The following UNC13C variants were observed in gnomAD, a reference collection of about 807,000 sequenced individuals.
UNC13C encodes the protein unc-13 homolog C.
In UNC13C, 174 loss-of-function variants were observed where a neutral mutation model predicts 245.4. The ratio of observed to expected loss-of-function variants is 0.71; its 90% CI spans 0.63 to 0.80. The LOEUF is 0.80. Among genes scored for constraint, UNC13C ranks in the 30% least tolerant of loss-of-function variants. The pLI is 0.00. For missense variants in UNC13C, 2,829 were observed against 2,602.9 expected, an observed-to-expected ratio of 1.09 and a Z score of -1.89; for synonymous variants, 992 against 895.1, an observed-to-expected ratio of 1.11 and a Z score of -1.93.
At chr15:54,162,381 C>G (rs1421427360) in intron 4 of UNC13C, among the ~76,000 whole-genome samples, 1 of 152,074 alleles carries the variant, frequency 6.6e-6, no homozygotes, top group Non-Finnish European at 1.5e-5. Flanking sequence ...GATAGACAGA[C>G]CAGAAGGCAT....
In UNC13C at chr15:54,365,283, T is replaced by C. The variant is rs147893569; in HGVS notation, c.4713+26794T>C. Among the ~76,000 whole-genome samples, 554 of 152,216 alleles carry C rather than the reference T, an allele frequency of 3.6e-3. 4 individuals are homozygous for C. Among genetic ancestry groups the C allele is most frequent in the African/African-American group, 0.013 (521 of 41,548 alleles). ...TTGGAGGCTAAGTATTTTGTATCCA[T>C]TGGAAGTCTCCCTCTCATTTTCATA... On this transcript the variant is annotated intron_variant, in intron 17 of 32. Coordinates refer to ENST00000260323, the MANE Select transcript of UNC13C (RefSeq NM_001080534.3).
rs1231669889 is a variant in UNC13C at position 54,050,680 on chromosome 15, T to C, written c.2983+34794T>C. The C allele has an allele frequency of 1.1e-5, 6 of 523,792 alleles. No individual in the cohort carries two copies. In the East Asian group the frequency reaches 2.9e-4, roughly 25 times the overall value. The allele number at this position is 523,792 out of a possible 1,614,324, so 32.4% of individuals were successfully genotyped here. The stretch of plus-strand genomic sequence containing the variant: ...ATTTGTCTCTTATACTCAAACTCTT[T>C]GGAAACCGGTGAAGATCTATAGGGT... On this transcript the variant is annotated intron_variant, in intron 2 of 32. Transcript: ENST00000260323.
At chr15:53,840,480 T>TA in the UNC13C span, among the ~76,000 whole-genome samples, 5 of 151,892 alleles carry the variant, frequency 3.3e-5, no homozygotes, top group South Asian at 2.1e-4. Context: ...GGGCATGAAA[T>TA]AAAAAAACAA....
intron 19 of UNC13C, among the ~76,000 whole-genome samples, chr15:54,491,574 G>C (rs753184716): frequency 6.6e-6 from 1 of 151,750 alleles, no homozygotes; most frequent in Non-Finnish European, 1.5e-5. Context: ...CTTTATTTTA[G>C]CAAAATCACT....
intron 1 of UNC13C, among the ~76,000 whole-genome samples, chr15:53,990,259 T>C (rs1237044554): frequency 1.3e-5 from 2 of 152,060 alleles, no homozygotes; most frequent in East Asian, 3.9e-4. Context: ...ATCCCAAACA[T>C]GCAGATAATT....
intron 29 of UNC13C, among the ~76,000 whole-genome samples, chr15:54,564,426 G>C (rs143064966): frequency 5.9e-5 from 9 of 151,980 alleles, no homozygotes; most frequent in Middle Eastern, 3.4e-3. Flanking sequence ...TTCCTGATTA[G>C]TCCCCAAAGT....
chr15:53,922,670 G>A, the UNC13C span, among the ~76,000 whole-genome samples: 26 of 152,258 alleles, frequency 1.7e-4, no homozygotes, highest in Non-Finnish European at 2.2e-4. Flanking sequence ...CCATGCTTAC[G>A]TATTACAGAG....
intron 29 of UNC13C, among the ~76,000 whole-genome samples, chr15:54,564,730 T>C (rs1306248822): frequency 6.6e-6 from 1 of 151,962 alleles, no homozygotes; most frequent in Non-Finnish European, 1.5e-5. Context: ...GGTATATTAA[T>C]AAACGATCAC....
At chr15:53,901,778 G>A in the UNC13C span, among the ~76,000 whole-genome samples, 2 of 152,162 alleles carry the variant, frequency 1.3e-5, no homozygotes, top group African/African-American at 4.8e-5. Context: ...AAATTTGAGA[G>A]TGTATGTTTA....
chr15:54,540,395 T>A (rs1219031986), intron 26 of UNC13C, among the ~76,000 whole-genome samples: 1 of 152,058 alleles, frequency 6.6e-6, no homozygotes, highest in African/African-American at 2.4e-5. Context: ...CACATGGCAT[T>A]TGAAAATTGT....
chr15:53,848,874 C>T, the UNC13C span, among the ~76,000 whole-genome samples: 2 of 151,940 alleles, frequency 1.3e-5, no homozygotes, highest in Non-Finnish European at 2.9e-5. Context: ...ATTGACCTCA[C>T]TAACATTACC....
At chr15:53,991,403 C>A (rs979798492) in intron 1 of UNC13C, among the ~76,000 whole-genome samples, 7 of 151,932 alleles carry the variant, frequency 4.6e-5, no homozygotes, top group Non-Finnish European at 7.4e-5. Flanking sequence ...AAACATTGTT[C>A]TTTCTAGAGC....
Position 54,623,907 on chromosome 15 carries a change from A to G in UNC13C, c.6312A>G (p.Lys2104=), listed in dbSNP as rs1314133686. The G allele has an allele frequency of 6.2e-7, 1 of 1,613,376 alleles. No individual in the cohort carries two copies. Among genetic ancestry groups the G allele is most frequent in the Non-Finnish European group, 8.5e-7 (1 of 1,179,488 alleles). The change falls in exon 32 of 33, where the codon AAA becomes AAG. Residue 2104 remains lysine (K), a synonymous_variant. Coordinates refer to ENST00000260323, the MANE Select transcript of UNC13C (RefSeq NM_001080534.3). Reference sequence around the variant, plus strand: ...ACAAGAAGAGAAAACAAGGCACAAAAACAAAAAGCAACACATGGTCACCAA... The same window carrying G: ...ACAAGAAGAGAAAACAAGGCACAAAGACAAAAAGCAACACATGGTCACCAA... ...LGDKKRKQGT[K]TKSNTWSPKY... is the part of the protein sequence containing the mutation.
chr15:54,395,293 AC>A (rs748736154), intron 18 of UNC13C, among the ~76,000 whole-genome samples: 3 of 151,922 alleles, frequency 2.0e-5, no homozygotes, highest in Admixed American at 2.0e-4. Flanking sequence ...TATATCTGTT[AC>A]TTTGTTTGAA....
At chr15:54,072,217 A>G (rs1269376253) in intron 2 of UNC13C, among the ~76,000 whole-genome samples, 2 of 152,156 alleles carry the variant, frequency 1.3e-5, no homozygotes, top group South Asian at 2.1e-4. Context: ...TTCCTCTGGG[A>G]TAATGCAGTT....
In UNC13C at chr15:54,332,110, G is replaced by A; in HGVS notation, c.4493G>A (p.Arg1498Lys). 6.4e-7 allele frequency: 1 copy of A among 1,558,470 alleles called. No homozygotes were observed. The highest frequency in any genetic ancestry group is 1.7e-4 in the Middle Eastern group (1 of 5,930). ...NSLRIDLSKY[R>K]ENFPASNTER... is the part of the protein sequence containing the mutation. Reference sequence around the variant, plus strand: ...TTGAGGATTGATCTGTCAAAGTATAGGGTATGTACAAATTTACTTGCCTAA... The same window carrying A: ...TTGAGGATTGATCTGTCAAAGTATAAGGTATGTACAAATTTACTTGCCTAA... Residue 1498 changes from arginine (R) to lysine (K), a missense_variant and splice_region_variant, in exon 15 of 33, where the codon AGG becomes AAG. Coordinates refer to ENST00000260323, the MANE Select transcript of UNC13C (RefSeq NM_001080534.3).
chr15:54,000,219 G>C (rs966238899), intron 1 of UNC13C, among the ~76,000 whole-genome samples: 4 of 152,034 alleles, frequency 2.6e-5, no homozygotes, highest in African/African-American at 9.7e-5. Context: ...TCAGAGTCAA[G>C]AACAGCATCG....
chr15:54,614,722 T>G (rs1313863799), intron 30 of UNC13C, among the ~76,000 whole-genome samples: 1 of 152,014 alleles, frequency 6.6e-6, no homozygotes, highest in Non-Finnish European at 1.5e-5. Flanking sequence ...TGCCAGAATC[T>G]TCTTCCTTTT....
At chr15:54,396,330 AT>A (rs2040069239) in intron 18 of UNC13C, among the ~76,000 whole-genome samples, 1 of 151,658 alleles carries the variant, frequency 6.6e-6, no homozygotes, top group Admixed American at 6.6e-5. Flanking sequence ...TGTTATCATT[AT>A]GTGTAAATGT....
Sources: allele counts gnomAD v4.1 joint callset (sites outside exome capture counted in the v4.1 genomes callset), GRCh38; gene constraint gnomAD v4.1.1; transcripts MANE v1.5; gene names NCBI Gene and HGNC (gene_info 2026-07-23, HGNC 2026-07-21).